DYNC2H1: variants seen among roughly 807,000 people sequenced by gnomAD.
DYNC2H1 encodes the protein dynein cytoplasmic 2 heavy chain 1.
DYNC2H1 carries 410 observed loss-of-function variants against 570.0 expected under a neutral mutation model. The ratio of observed to expected loss-of-function variants is 0.72; its 90% CI spans 0.66 to 0.78. The LOEUF (loss-of-function observed/expected upper bound fraction) is 0.78. Ranked by LOEUF, DYNC2H1 falls within the 30% of genes least tolerant of loss-of-function variation. The pLI is 0.00. For missense variants in DYNC2H1, 4,865 were observed against 5,046.4 expected, an observed-to-expected ratio of 0.96 and a Z score of 1.09; for synonymous variants, 1,688 against 1,677.6, an observed-to-expected ratio of 1.01 and a Z score of -0.15.
chr11:103,253,284 G>A lies in DYNC2H1; in HGVS notation c.10043-1G>A. On this transcript the variant is annotated splice_acceptor_variant, in intron 65 of 88. Transcript: ENST00000375735. LOFTEE classifies it high-confidence loss of function. ...ACCAATTGTGTGTTTTTTTTAAATA[G>A]GACCACGTTATGTGGTACAAATAGG... is the stretch of plus-strand genomic sequence containing the variant. 1.9e-6 allele frequency: 3 copies of A among 1,602,198 alleles called. No individual in the cohort carries two copies. The highest frequency in any genetic ancestry group is 2.6e-6 in the Non-Finnish European group (3 of 1,173,796).
chr11:103,345,717 CT>C (rs1363266651), intron 82 of DYNC2H1, among the ~76,000 whole-genome samples: 1 of 151,996 alleles, frequency 6.6e-6, no homozygotes, highest in African/African-American at 2.4e-5. Flanking sequence ...TGGAGGTGGA[CT>C]AGGTCATAAG....
chr11:103,395,918 G>A lies in DYNC2H1; in HGVS notation c.12157-3745G>A, dbSNP rs1295755089. Among the ~76,000 whole-genome samples the A allele has an allele frequency of 6.6e-6, 1 of 152,146 alleles. No homozygotes were observed. The highest frequency in any genetic ancestry group is 1.5e-5 in the Non-Finnish European group (1 of 68,024). On this transcript the variant is annotated intron_variant, in intron 83 of 88. Transcript: ENST00000375735. The surrounding 1 kb of genome is among the most constrained non-coding windows in gnomAD (Gnocchi z 4.3). ...AAGGTAGAATTTCCATTACATAGAA[G>A]TGAAGGTATTTTTCCCTTTTCTTTA...
At chr11:103,178,618 T>C (rs1307861303) in intron 38 of DYNC2H1, among the ~76,000 whole-genome samples, 3 of 152,006 alleles carry the variant, frequency 2.0e-5, no homozygotes, top group African/African-American at 4.8e-5. Context: ...GAGGTCACCT[T>C]TTTATATGTC....
rs1859428607 is a variant in DYNC2H1 at position 103,134,357 on chromosome 11, C to A, written c.2143C>A (p.Gln715Lys). 4 of 1,612,466 alleles carry A rather than the reference C, an allele frequency of 2.5e-6. No individual in the cohort carries two copies. The highest frequency in any genetic ancestry group is 1.6e-4 in the Middle Eastern group (1 of 6,082). Residue 715 changes from glutamine (Q) to lysine (K), a missense_variant, in exon 15 of 89, where the codon CAA becomes AAA. Gln to Lys is a moderately conservative substitution (Grantham distance 53). Coordinates refer to ENST00000375735, the MANE Select transcript of DYNC2H1 (RefSeq NM_001377.3). ...TATGAATATTGATCTGCTTCGGCAG[C>A]AACAGCGCTGGAAAGATGGATTACA... is the stretch of plus-strand genomic sequence containing the variant. Reference protein sequence around the residue: ...VLMNIDLLRQQQRWKDGLQEL... With the variant: ...VLMNIDLLRQKQRWKDGLQEL...
chr11:103,445,920 G>A (rs1944410518), intron 85 of DYNC2H1, among the ~76,000 whole-genome samples: 1 of 152,104 alleles, frequency 6.6e-6, no homozygotes, highest in Non-Finnish European at 1.5e-5. Context: ...CCAAACTGCT[G>A]GAATTACAGG....
intron 84 of DYNC2H1, among the ~76,000 whole-genome samples, chr11:103,417,036 T>A (rs2135705371): frequency 6.6e-6 from 1 of 152,312 alleles, no homozygotes; most frequent in Middle Eastern, 3.4e-3. Context: ...AAGCTCATCA[T>A]CACTGGTCAT....
At chr11:103,198,590 A>C (rs1378252636) in intron 48 of DYNC2H1, among the ~76,000 whole-genome samples, 2 of 152,328 alleles carry the variant, frequency 1.3e-5, no homozygotes, top group African/African-American at 4.8e-5. Context: ...TTGCTTTAAA[A>C]ATTAATATTT....
At chr11:103,404,997 C>A (rs946225587) in intron 84 of DYNC2H1, 1 of 151,838 alleles carries the variant, frequency 6.6e-6, no homozygotes, top group Non-Finnish European at 1.5e-5. Flanking sequence ...ATACGATAAA[C>A]CCTAGGAAGC....
chr11:103,409,088 T>G (rs1942982939), intron 84 of DYNC2H1, among the ~76,000 whole-genome samples: 3 of 152,064 alleles, frequency 2.0e-5, no homozygotes, highest in Admixed American at 2.0e-4. Context: ...GTTGAACATA[T>G]GTCACTGGGG....
At chr11:103,258,249 A>G (rs545444289) in intron 69 of DYNC2H1, among the ~76,000 whole-genome samples, 3 of 152,360 alleles carry the variant, frequency 2.0e-5, no homozygotes, top group South Asian at 2.1e-4. Context: ...TGTGCTTTAA[A>G]AAGTGTATTA....
Position 103,186,248 on chromosome 11 carries a change from CA to C in DYNC2H1, c.6641del (p.His2214LeufsTer25), listed in dbSNP as rs749305147. 6.2e-7 allele frequency: 1 copy of C among 1,609,146 alleles called. No individual in the cohort carries two copies. The highest frequency in any genetic ancestry group is 1.1e-5 in the South Asian group (1 of 90,790). On this transcript the variant is annotated frameshift_variant, in exon 42 of 89. Transcript: ENST00000375735. LOFTEE classifies it high-confidence loss of function. The surrounding 1 kb of genome is among the most constrained non-coding windows in gnomAD (Gnocchi z 4.5). ...ACAATTTTTTCCTCTTAAGGTTTTTCATTGGGCACGAGAATCTCCTCCAGAC... is the reference window on the plus strand; with the variant it reads ...ACAATTTTTTCCTCTTAAGGTTTTTCTTGGGCACGAGAATCTCCTCCAGAC... Reference protein sequence around the residue: ...SRLEFTKEVFHWARESPPDFH... With the variant: ...SRLEFTKEVFXWARESPPDFH...
chr11:103,374,622 A>AG (rs1232515440), intron 83 of DYNC2H1, among the ~76,000 whole-genome samples: 1 of 152,162 alleles, frequency 6.6e-6, no homozygotes, highest in Non-Finnish European at 1.5e-5. Context: ...GTCCAGGCTG[A>AG]GGTGGTCTCA....
intron 82 of DYNC2H1, among the ~76,000 whole-genome samples, chr11:103,357,079 AATAT>A (rs1193608469): frequency 6.6e-6 from 1 of 152,164 alleles, no homozygotes; most frequent in African/African-American, 2.4e-5. Flanking sequence ...TATGAAAAAC[AATAT>A]ATACATCATT....
At chr11:103,441,444 T>A (rs1255757045) in intron 85 of DYNC2H1, among the ~76,000 whole-genome samples, 1 of 151,982 alleles carries the variant, frequency 6.6e-6, no homozygotes, top group Non-Finnish European at 1.5e-5. Flanking sequence ...TATATTATAA[T>A]CTATTTATTT....
intron 55 of DYNC2H1, among the ~76,000 whole-genome samples, chr11:103,218,946 A>G (rs1295961228): frequency 2.6e-5 from 4 of 152,212 alleles, no homozygotes; most frequent in Non-Finnish European, 5.9e-5. Flanking sequence ...TTCTAGGTTA[A>G]TGGCATAAAG....
chr11:103,378,287 T>G (rs964838703), intron 83 of DYNC2H1, among the ~76,000 whole-genome samples: 22 of 152,224 alleles, frequency 1.4e-4, no homozygotes, highest in African/African-American at 5.1e-4. Context: ...AGAAGTCACT[T>G]TGCTCTTTCA....
At chr11:103,306,529 A>T (rs995527738) in intron 77 of DYNC2H1, among the ~76,000 whole-genome samples, 1 of 152,082 alleles carries the variant, frequency 6.6e-6, no homozygotes, top group Non-Finnish European at 1.5e-5. Context: ...TTTACCTTTT[A>T]AATTTTTTTA....
Position 103,321,224 on chromosome 11 carries a change from C to T in DYNC2H1, c.11921C>T (p.Ser3974Phe). The T allele has an allele frequency of 6.2e-7, 1 of 1,607,320 alleles. No homozygotes were observed. ...IFPYSVSLPQSCSILDYRAVI... is the reference protein window; with the variant it reads ...IFPYSVSLPQFCSILDYRAVI... The stretch of plus-strand genomic sequence containing the variant: ...CCATATTCCGTATCTCTACCACAAT[C>T]CTGCAGCATTTTGGTAGGTAAAATG... Residue 3974 changes from serine to phenylalanine, a missense_variant, in exon 81 of 89, where the codon TCC becomes TTC. Physicochemically the swap from Ser to Phe is radical, Grantham distance 155. Transcript: ENST00000375735.
At position 103,186,204 on chromosome 11, in the gene DYNC2H1, G is replaced by A; in HGVS notation, c.6634-38G>A. On this transcript the variant is annotated intron_variant, in intron 41 of 88. Transcript: ENST00000375735. This position sits in a 1 kb window ranked among gnomAD's most constrained non-coding sequence, Gnocchi z 4.5. ...GAATTTTAAAATGTCACACACTCTG[G>A]AGTATGTGAAAACTTATCACAATTT... 6.3e-7 allele frequency: 1 copy of A among 1,582,738 alleles called. No individual in the cohort carries two copies. The highest frequency in any genetic ancestry group is 1.3e-5 in the African/African-American group (1 of 74,336).
Sources: allele counts gnomAD v4.1 joint callset (sites outside exome capture counted in the v4.1 genomes callset), GRCh38; gene constraint gnomAD v4.1.1; non-coding constraint Gnocchi (gnomAD v3.1); transcripts MANE v1.5; gene names NCBI Gene and HGNC (gene_info 2026-07-23, HGNC 2026-07-21).